Variants in NXPH1 observed in about 807,000 individuals in gnomAD.
NXPH1 encodes neurexophilin-1.
NXPH1 carries 5 observed loss-of-function variants against 23.7 expected under a neutral mutation model. The observed-to-expected ratio is 0.21, with a 90% confidence interval of 0.11 to 0.44. The LOEUF is 0.44. Among genes scored for constraint, NXPH1 ranks in the 20% least tolerant of loss-of-function variants. The probability of loss-of-function intolerance (pLI) is 0.99; values close to 1 mark genes in which losing one functional copy is unlikely to be tolerated. For missense variants in NXPH1, 324 were observed against 321.6 expected (o/e 1.01, Z -0.06); for synonymous variants, 144 against 122.2 (o/e 1.18, Z -1.18).
At chr7:8,698,838 C>A (rs1206941837) in intron 2 of NXPH1, among the ~76,000 whole-genome samples, 1 of 152,094 alleles carries the variant, frequency 6.6e-6, no homozygotes, top group South Asian at 2.1e-4. Context: ...CATAGCTAAT[C>A]AGCCACTTGT....
At chr7:8,704,692 A>G (rs1357832084) in intron 2 of NXPH1, among the ~76,000 whole-genome samples, 1 of 152,132 alleles carries the variant, frequency 6.6e-6, no homozygotes, top group Non-Finnish European at 1.5e-5. Context: ...GTTATAGATA[A>G]TTATGGTATT....
intron 2 of NXPH1, among the ~76,000 whole-genome samples, chr7:8,556,092 C>G (rs985426828): frequency 6.6e-6 from 1 of 151,624 alleles, no homozygotes; most frequent in Non-Finnish European, 1.5e-5. Flanking sequence ...CCAGGATAGG[C>G]CAGTGATTGG....
intron 2 of NXPH1, among the ~76,000 whole-genome samples, chr7:8,721,173 G>C (rs1274105098): frequency 6.6e-6 from 1 of 152,108 alleles, no homozygotes; most frequent in Non-Finnish European, 1.5e-5. Context: ...TCCAGGACCT[G>C]CTTAAGGGTA....
intron 2 of NXPH1, among the ~76,000 whole-genome samples, chr7:8,645,970 A>G (rs1259701738): frequency 6.6e-6 from 1 of 152,086 alleles, no homozygotes; most frequent in Non-Finnish European, 1.5e-5. Flanking sequence ...ATGTCCATGA[A>G]GTATTTTTTT....
chr7:8,445,652 C>A (rs1035617026), intron 2 of NXPH1, among the ~76,000 whole-genome samples: 3 of 152,206 alleles, frequency 2.0e-5, no homozygotes, highest in African/African-American at 7.2e-5. Flanking sequence ...TTTTAAAGAG[C>A]CTTTTTCATT....
intron 2 of NXPH1, among the ~76,000 whole-genome samples, chr7:8,605,571 T>A (rs996826599): frequency 6.6e-6 from 1 of 152,144 alleles, no homozygotes; most frequent in African/African-American, 2.4e-5. Context: ...ACATCTGTTA[T>A]AACACAGACA....
At chr7:8,664,943 T>C (rs2115164634) in intron 2 of NXPH1, among the ~76,000 whole-genome samples, 1 of 152,138 alleles carries the variant, frequency 6.6e-6, no homozygotes, top group South Asian at 2.1e-4. Context: ...AGGTGTGCAG[T>C]TTGCAAATAT....
intron 2 of NXPH1, among the ~76,000 whole-genome samples, chr7:8,487,222 G>A (rs1279064746): frequency 6.6e-6 from 1 of 152,002 alleles, no homozygotes; most frequent in East Asian, 1.9e-4. Context: ...GATATGGTTT[G>A]GCTGTGCCTC....
chr7:8,498,273 C>T (rs950889188), intron 2 of NXPH1, among the ~76,000 whole-genome samples: 1 of 151,960 alleles, frequency 6.6e-6, no homozygotes, highest in Non-Finnish European at 1.5e-5. Context: ...CCACCGCTAA[C>T]CAATTAAGTA....
chr7:8,723,436 T>C lies in NXPH1; in HGVS notation c.55-27572T>C, dbSNP rs967041263. On this transcript the variant is annotated intron_variant, in intron 2 of 2. Transcript: ENST00000405863. ...TTTTATTAAGTTTTGCTAATGTTTG[T>C]CAAGCCCCCCAAAATATAGTTTTAT... 3.3e-5 allele frequency among the ~76,000 whole-genome samples: 5 copies of C among 152,348 alleles called. No homozygotes were observed. The East Asian group carries it at 7.7e-4, about 23-fold the overall frequency.
chr7:8,546,335 A>G (rs1818197603), intron 2 of NXPH1, among the ~76,000 whole-genome samples: 1 of 151,440 alleles, frequency 6.6e-6, no homozygotes, highest in Non-Finnish European at 1.5e-5. Flanking sequence ...CCATCAGATC[A>G]TTACTGAAAC....
At chr7:8,702,731 G>T (rs1230851141) in intron 2 of NXPH1, among the ~76,000 whole-genome samples, 1 of 152,042 alleles carries the variant, frequency 6.6e-6, no homozygotes, top group Non-Finnish European at 1.5e-5. Flanking sequence ...GAAGGCATAG[G>T]TGGTACTGTT....
chr7:8,497,520 C>T (rs541105165), intron 2 of NXPH1, among the ~76,000 whole-genome samples: 2 of 152,094 alleles, frequency 1.3e-5, no homozygotes, highest in Admixed American at 6.5e-5. Context: ...CTTTCCAGCA[C>T]CTGTTGTTTC....
chr7:8,709,082 T>A (rs56911697), intron 2 of NXPH1, among the ~76,000 whole-genome samples: 2,728 of 152,280 alleles, frequency 0.018, 77 homozygotes, highest in African/African-American at 0.062. Context: ...AGTAATTATA[T>A]GATATGACAG....
chr7:8,706,132 A>C (rs1247315590), intron 2 of NXPH1, among the ~76,000 whole-genome samples: 1 of 152,194 alleles, frequency 6.6e-6, no homozygotes, highest in Non-Finnish European at 1.5e-5. Flanking sequence ...GAGAAAAGCT[A>C]TGTCAACTTC....
intron 2 of NXPH1, among the ~76,000 whole-genome samples, chr7:8,618,106 C>T (rs1819785777): frequency 6.6e-6 from 1 of 152,136 alleles, no homozygotes; most frequent in East Asian, 1.9e-4. Flanking sequence ...CAGGGTTCTT[C>T]TGCCCATAAG....
chr7:8,503,689 A>G (rs1021397948), intron 2 of NXPH1, among the ~76,000 whole-genome samples: 16 of 151,906 alleles, frequency 1.1e-4, no homozygotes, highest in Non-Finnish European at 2.2e-4. Context: ...TCTTCTCTGT[A>G]ACATTTCTCT....
chr7:8,516,333 G>A (rs543248564), intron 2 of NXPH1, among the ~76,000 whole-genome samples: 13 of 152,044 alleles, frequency 8.6e-5, no homozygotes, highest in South Asian at 4.2e-4. Flanking sequence ...GGGTGCTCTC[G>A]TACCTTAAGG....
chr7:8,602,871 C>T (rs1819391645), intron 2 of NXPH1, among the ~76,000 whole-genome samples: 1 of 152,002 alleles, frequency 6.6e-6, no homozygotes, highest in Non-Finnish European at 1.5e-5. Context: ...CACTGTTGCC[C>T]AGGCTGGAGT....
Sources: allele counts gnomAD v4.1 joint callset (sites outside exome capture counted in the v4.1 genomes callset), GRCh38; gene constraint gnomAD v4.1.1; transcripts MANE v1.5; gene names NCBI Gene and HGNC (gene_info 2026-07-23, HGNC 2026-07-21).